The following PRKAR2A variants were observed in gnomAD, a reference collection of about 807,000 sequenced individuals.
PRKAR2A encodes cAMP-dependent protein kinase type II-alpha regulatory subunit.
PRKAR2A carries 29 observed loss-of-function variants against 51.9 expected under a neutral mutation model. That is an observed-to-expected ratio of 0.56 (90% CI 0.42 to 0.76). PRKAR2A has a LOEUF of 0.76. Ranked by LOEUF, PRKAR2A falls within the 30% of genes least tolerant of loss-of-function variation. The probability of loss-of-function intolerance (pLI) is 0.00; values close to 1 mark genes in which losing one functional copy is unlikely to be tolerated. For missense variants in PRKAR2A, 445 were observed against 512.1 expected (o/e 0.87, Z 1.26); for synonymous variants, 178 against 186.2 (o/e 0.96, Z 0.36).
At chr3:48,745,057 T>G (rs1335012326), downstream of PRKAR2A, among the ~76,000 whole-genome samples, 1 of 151,950 alleles carries the variant, frequency 6.6e-6, no homozygotes, top group Non-Finnish European at 1.5e-5. Context: ...GTATTTTTAG[T>G]AGAGACGGGG....
intron 5 of PRKAR2A, among the ~76,000 whole-genome samples, chr3:48,778,381 T>C (rs182728981): frequency 1.1e-4 from 17 of 151,472 alleles, no homozygotes; most frequent in Admixed American, 1.1e-3. Flanking sequence ...GAGTGCAGTG[T>C]TATGATCACT....
intron 1 of PRKAR2A, among the ~76,000 whole-genome samples, chr3:48,815,963 G>A (rs189393126): frequency 2.5e-4 from 35 of 142,452 alleles, no homozygotes; most frequent in African/African-American, 8.3e-4. Flanking sequence ...TGGTTGCAGT[G>A]AGCCAAGATC....
chr3:48,756,760 T>C (rs973116079), intron 8 of PRKAR2A, among the ~76,000 whole-genome samples: 1 of 152,216 alleles, frequency 6.6e-6, no homozygotes, highest in Non-Finnish European at 1.5e-5. Flanking sequence ...ACAAACACCA[T>C]CTACATCAGA....
chr3:48,847,294 G>A lies in PRKAR2A; in HGVS notation c.262+41C>T. ...CCTGCCACCCCTCTAGACCTCTGGA[G>A]ACCTCCTGCACCACTCCCCAGGGCC... On this transcript the variant is annotated intron_variant, in intron 1 of 10. Coordinates refer to ENST00000265563, the MANE Select transcript of PRKAR2A (RefSeq NM_004157.4). This position sits in a 1 kb window ranked among gnomAD's most constrained non-coding sequence, Gnocchi z 4.4. 6.2e-7 allele frequency: 1 copy of A among 1,604,492 alleles called. No homozygotes were observed. The highest frequency in any genetic ancestry group is 8.5e-7 in the Non-Finnish European group (1 of 1,175,442).
At chr3:48,835,483 T>C (rs2083267653) in intron 1 of PRKAR2A, among the ~76,000 whole-genome samples, 1 of 151,396 alleles carries the variant, frequency 6.6e-6, no homozygotes, top group African/African-American at 2.4e-5. Context: ...ATACTAAAAA[T>C]ACAAAAAATT....
chr3:48,795,198 G>A (rs780695323), intron 2 of PRKAR2A, among the ~76,000 whole-genome samples: 1 of 151,966 alleles, frequency 6.6e-6, no homozygotes, highest in African/African-American at 2.4e-5. Flanking sequence ...GGATGGTCTC[G>A]ATCTCCTGAC....
rs766853501 is a variant in PRKAR2A, at chr3:48,768,342, T to TAGAG, written c.697-2994_697-2993insCTCT. On this transcript the variant is annotated intron_variant, in intron 6 of 10. Transcript: ENST00000265563. ...ATAGATAGATAGATAGATAGATAGA[T>TAGAG]ATAGACAGACAGAGAGACAGACAGA... Among the ~76,000 whole-genome samples, 3 of 148,866 alleles carry TAGAG rather than the reference T, an allele frequency of 2.0e-5. No individual in the cohort carries two copies. In the South Asian group the frequency reaches 6.4e-4, roughly 32 times the overall value.
At chr3:48,825,187 T>C (rs2083042479) in intron 1 of PRKAR2A, among the ~76,000 whole-genome samples, 1 of 151,154 alleles carries the variant, frequency 6.6e-6, no homozygotes, top group African/African-American at 2.4e-5. Context: ...AGGCATACAC[T>C]GCCACACCCA....
chr3:48,786,129 T>G (rs962722980), intron 4 of PRKAR2A, among the ~76,000 whole-genome samples: 59 of 140,000 alleles, frequency 4.2e-4, no homozygotes, highest in Non-Finnish European at 7.5e-4. Flanking sequence ...TTTTTTTTTG[T>G]TTTTTTTTTT....
chr3:48,834,112 A>C (rs2083241337), intron 1 of PRKAR2A, among the ~76,000 whole-genome samples: 4 of 152,158 alleles, frequency 2.6e-5, no homozygotes, highest in Admixed American at 2.6e-4. Context: ...CCACTTTACA[A>C]AAGGGCAACA....
At chr3:48,816,435 T>C (rs1348098454) in intron 1 of PRKAR2A, among the ~76,000 whole-genome samples, 2 of 151,246 alleles carry the variant, frequency 1.3e-5, no homozygotes, top group Non-Finnish European at 3.0e-5. Context: ...GGTCAAGAGA[T>C]AGAGACCATC....
Position 48,834,969 on chromosome 3 carries a change from C to CTT in PRKAR2A, c.262+12364_262+12365dup, listed in dbSNP as rs765924891. Among the ~76,000 whole-genome samples the CTT allele has an allele frequency of 6.3e-4, 83 of 131,946 alleles. 1 individual carries two copies. Among genetic ancestry groups the CTT allele is most frequent in the Middle Eastern group, 3.9e-3 (1 of 258 alleles). 86.6% of individuals were successfully genotyped at this position (131,946 alleles called of 152,430 possible). A position where few individuals can be genotyped will look rare whatever the true frequency, so the allele number is the denominator to read the frequency against. On this transcript the variant is annotated intron_variant, in intron 1 of 10. Coordinates refer to ENST00000265563, the MANE Select transcript of PRKAR2A (RefSeq NM_004157.4). ...TTGAGAGACTGAGGCAGGAGGATCA[C>CTT]TTTTTTTTTTTTTTTTTTTTGAGAC...
intron 8 of PRKAR2A, among the ~76,000 whole-genome samples, chr3:48,763,578 C>T (rs1160423073): frequency 6.6e-6 from 1 of 152,138 alleles, no homozygotes; most frequent in Non-Finnish European, 1.5e-5. Context: ...AATCTCAGCA[C>T]TACATTCTTA....
At position 48,844,169 on chromosome 3, in the gene PRKAR2A, G is replaced by A. The variant is rs1434023723; in HGVS notation, c.262+3166C>T. On this transcript the variant is annotated intron_variant, in intron 1 of 10. Coordinates refer to ENST00000265563, the MANE Select transcript of PRKAR2A (RefSeq NM_004157.4). ...AAAACTAACAACCCCATCAAAAAGC[G>A]GGCAAAGGATATGAACAGACACTTC... Among the ~76,000 whole-genome samples, 8 of 152,084 alleles carry A rather than the reference G, an allele frequency of 5.3e-5. No homozygotes were observed. In the South Asian group the frequency reaches 6.2e-4, roughly 12 times the overall value.
intron 8 of PRKAR2A, among the ~76,000 whole-genome samples, chr3:48,760,420 T>C (rs527253094): frequency 6.6e-6 from 1 of 152,036 alleles, no homozygotes; most frequent in East Asian, 1.9e-4. Context: ...CACAAGCCTG[T>C]AATCTTAGCT....
intron 7 of PRKAR2A, 30 bp from the exon 8 acceptor site, chr3:48,765,108 A>T (rs2081921438): frequency 1.9e-6 from 3 of 1,604,888 alleles, no homozygotes; most frequent in Admixed American, 3.3e-5. Flanking sequence ...AATAAAAGGA[A>T]AAGACCTTAA....
At chr3:48,782,852 T>G (rs886899331) in intron 5 of PRKAR2A, 134 bp downstream of exon 5, 5 of 639,694 alleles carry the variant, frequency 7.8e-6, no homozygotes, top group Middle Eastern at 2.5e-4. Flanking sequence ...CTGTGGACTC[T>G]CACAAGGCTT....
chr3:48,814,207 CACTGCACTCCAGTCTGGCG>C (rs1289974854), intron 1 of PRKAR2A, among the ~76,000 whole-genome samples: 3 of 151,946 alleles, frequency 2.0e-5, no homozygotes, highest in African/African-American at 7.3e-5. Context: ...GAGATAGTGC[CACTGCACTCCAGTCTGGCG>C]ACAGAGCGAG....
chr3:48,826,868 G>T (rs932761785), intron 1 of PRKAR2A, among the ~76,000 whole-genome samples: 6 of 150,824 alleles, frequency 4.0e-5, no homozygotes, highest in African/African-American at 1.5e-4. Context: ...CAGGTGAATA[G>T]GGTTGTAAAT....
Sources: gnomAD v4.1 joint callset for allele counts (sites outside exome capture counted in the v4.1 genomes callset) on GRCh38, gnomAD v4.1.1 for gene constraint, Gnocchi (gnomAD v3.1) non-coding constraint, MANE v1.5 for transcripts, NCBI Gene and HGNC (gene_info 2026-07-23, HGNC 2026-07-21) for gene names.